Variants in TNIK observed in about 807,000 individuals in gnomAD.
The protein encoded by TNIK is TRAF2 and NCK-interacting protein kinase.
Under a neutral mutation model 191.3 loss-of-function variants are expected in TNIK, and 49 were observed. The observed-to-expected ratio is 0.26, with a 90% CI of 0.20 to 0.32. The LOEUF is 0.32. TNIK is among the 10% of genes least tolerant of loss of function. The probability of loss-of-function intolerance (pLI) is 1.00; values close to 1 mark genes in which losing one functional copy is unlikely to be tolerated. For synonymous variants in TNIK, 594 were observed against 600.9 expected (o/e 0.99, Z 0.17); for missense variants, 1,155 against 1,702.3 (o/e 0.68, Z 5.66).
intron 15 of TNIK, among the ~76,000 whole-genome samples, chr3:171,131,733 C>T (rs895123742): frequency 2.6e-5 from 4 of 152,158 alleles, no homozygotes; most frequent in Admixed American, 1.3e-4. Context: ...AAGATAATGC[C>T]GCCCAAGTGT....
intron 15 of TNIK, among the ~76,000 whole-genome samples, chr3:171,136,744 G>C (rs1730036972): frequency 6.6e-6 from 1 of 152,228 alleles, no homozygotes; most frequent in South Asian, 2.1e-4. Context: ...TTTAGCAGTA[G>C]AGGAAGGTGG....
At chr3:171,247,347 A>T (rs529300409) in intron 2 of TNIK, among the ~76,000 whole-genome samples, 2 of 152,370 alleles carry the variant, frequency 1.3e-5, no homozygotes, top group African/African-American at 4.8e-5. Flanking sequence ...AGAATAAATA[A>T]GTAGAATCAA....
intron 4 of TNIK, among the ~76,000 whole-genome samples, chr3:171,200,550 A>G (rs73879508): frequency 0.044 from 6,625 of 152,032 alleles, 484 homozygotes; most frequent in African/African-American, 0.15. Flanking sequence ...GTTACTTAGT[A>G]TGCCTTCCTG....
chr3:171,063,711 A>C lies in TNIK; in HGVS notation c.*170T>G, dbSNP rs1008989313. 3.6e-6 allele frequency: 2 copies of C among 560,160 alleles called. No individual in the cohort carries two copies. The highest frequency in any genetic ancestry group is 6.1e-6 in the Non-Finnish European group (2 of 329,658). The allele number at this position is 560,160 out of a possible 1,614,324, so 34.7% of individuals were successfully genotyped here. A position where few individuals can be genotyped will look rare whatever the true frequency, so the allele number is the denominator to read the frequency against. On this transcript the variant is annotated 3_prime_UTR_variant, in exon 33 of 33. Coordinates refer to ENST00000436636, the MANE Select transcript of TNIK (RefSeq NM_015028.4). Reference sequence around the variant, plus strand: ...TTTCTCTCCTTCTCAACCAGGCTGCAACATTGAAAGATGGACTGTACTGGG... The same window carrying C: ...TTTCTCTCCTTCTCAACCAGGCTGCCACATTGAAAGATGGACTGTACTGGG...
intron 22 of TNIK, 78 bp downstream of exon 22, chr3:171,101,371 T>G (rs1322685963): frequency 2.0e-6 from 3 of 1,477,282 alleles, no homozygotes; most frequent in Non-Finnish European, 1.8e-6. Context: ...AATCTTACAT[T>G]TAACTCATAT....
In TNIK at chr3:171,287,327, A is replaced by AT. The variant is rs564121710; in HGVS notation, c.124-59107dup. On this transcript the variant is annotated intron_variant, in intron 2 of 32. Transcript: ENST00000436636. ...TTATCATTGATTCTTTTCAAATTCA[A>AT]TATATCTAAAATGTGGACTCAGATG... Among the ~76,000 whole-genome samples, 9 of 152,332 alleles carry AT rather than the reference A, an allele frequency of 5.9e-5. No homozygotes were observed. In the East Asian group the frequency reaches 1.7e-3, roughly 29 times the overall value.
chr3:171,238,734 T>A (rs1472561077), intron 2 of TNIK, among the ~76,000 whole-genome samples: 1 of 152,220 alleles, frequency 6.6e-6, no homozygotes, highest in Non-Finnish European at 1.5e-5. Flanking sequence ...AATGTCAGAT[T>A]CTGCAATAGG....
intron 2 of TNIK, among the ~76,000 whole-genome samples, chr3:171,323,807 C>T (rs547411865): frequency 1.4e-4 from 22 of 152,284 alleles, no homozygotes; most frequent in Non-Finnish European, 2.5e-4. Flanking sequence ...CTCTGCTCTT[C>T]ATAAGCTATG....
chr3:171,216,879 C>A (rs999420125), intron 3 of TNIK, among the ~76,000 whole-genome samples: 1 of 151,882 alleles, frequency 6.6e-6, no homozygotes, highest in Non-Finnish European at 1.5e-5. Flanking sequence ...AGGAAACAGA[C>A]CCAGAGTCAT....
chr3:171,137,427 T>C (rs1435169666), intron 15 of TNIK, among the ~76,000 whole-genome samples: 1 of 152,112 alleles, frequency 6.6e-6, no homozygotes, highest in Non-Finnish European at 1.5e-5. Context: ...CCAGAAATAA[T>C]GATTGAACTG....
chr3:171,369,595 C>T, intron 2 of TNIK, 25 bp downstream of exon 2: 1 of 1,553,470 alleles, frequency 6.4e-7, no homozygotes, highest in South Asian at 1.2e-5. Context: ...CGTACATAAG[C>T]CACTCTCAGA....
Position 171,138,385 on chromosome 3 carries a change from C to G in TNIK, c.1420-6G>C. The G allele has an allele frequency of 6.4e-7, 1 of 1,565,672 alleles. No individual in the cohort carries two copies. Among genetic ancestry groups the G allele is most frequent in the Middle Eastern group, 1.7e-4 (1 of 5,878 alleles). The stretch of plus-strand genomic sequence containing the variant: ...AATTGTTTGCGCTTATATTCCTGTC[C>G]AGATCAGGAAAGAGGAGCAAAGAAA... On this transcript the variant is annotated splice_region_variant and splice_polypyrimidine_tract_variant and intron_variant, in intron 14 of 32. Transcript: ENST00000436636.
At chr3:171,101,806 G>T in intron 21 of TNIK, 173 bp from the exon 22 acceptor site, 2 of 633,540 alleles carry the variant, frequency 3.2e-6, no homozygotes, top group Non-Finnish European at 5.2e-6. Flanking sequence ...GCGTGTAGAA[G>T]CTAGAAAAGA....
At chr3:171,318,524 T>C (rs760712056) in intron 2 of TNIK, among the ~76,000 whole-genome samples, 44 of 152,162 alleles carry the variant, frequency 2.9e-4, no homozygotes, top group Non-Finnish European at 3.4e-4. Context: ...AAGGAAATAT[T>C]GTAAACCTGT....
chr3:171,348,037 TGCATG>T (rs1231340689), intron 2 of TNIK, among the ~76,000 whole-genome samples: 1 of 152,218 alleles, frequency 6.6e-6, no homozygotes, highest in African/African-American at 2.4e-5. Context: ...AGGTTGTCTG[TGCATG>T]GTAGCCACAG....
chr3:171,177,406 C>A (rs1577046470), intron 7 of TNIK, 26 bp from the exon 8 acceptor site: 4 of 1,595,246 alleles, frequency 2.5e-6, no homozygotes. Flanking sequence ...CAGACACACA[C>A]ATAAATTCAG....
At chr3:171,104,699 A>T (rs564721777) in intron 21 of TNIK, among the ~76,000 whole-genome samples, 191 of 152,072 alleles carry the variant, frequency 1.3e-3, no homozygotes, top group Middle Eastern at 3.4e-3. Flanking sequence ...ATTGTTTAAA[A>T]ATTTTTAGCT....
At chr3:171,352,819 T>G (rs952534624) in intron 2 of TNIK, among the ~76,000 whole-genome samples, 1 of 152,156 alleles carries the variant, frequency 6.6e-6, no homozygotes, top group Non-Finnish European at 1.5e-5. Context: ...TAAGGTACTT[T>G]AAAAGGTCAA....
intron 28 of TNIK, among the ~76,000 whole-genome samples, chr3:171,078,570 T>C (rs926753073): frequency 4.6e-5 from 7 of 152,250 alleles, no homozygotes; most frequent in African/African-American, 1.4e-4. Flanking sequence ...TTCCTTCCTT[T>C]CTTTCTTTTT....
Sources: allele counts gnomAD v4.1 joint callset (sites outside exome capture counted in the v4.1 genomes callset), GRCh38; gene constraint gnomAD v4.1.1; transcripts MANE v1.5; gene names NCBI Gene and HGNC (gene_info 2026-07-23, HGNC 2026-07-21).